Variants in TRPC7 observed in about 807,000 individuals in gnomAD.
The protein encoded by TRPC7 is transient receptor potential cation channel subfamily C member 7, also known as short transient receptor potential channel 7.
In TRPC7, 42 loss-of-function variants were observed where a neutral mutation model predicts 90.1. That is an observed-to-expected ratio of 0.47 (90% confidence interval 0.36 to 0.60). The LOEUF (loss-of-function observed/expected upper bound fraction) is 0.60. TRPC7 is among the 20% of genes least tolerant of loss of function. The pLI, the probability that TRPC7 is intolerant of heterozygous loss-of-function variation, is 0.00. For synonymous variants in TRPC7, 451 were observed against 436.3 expected (o/e 1.03, Z -0.42); for missense variants, 955 against 1,112.3 (o/e 0.86, Z 2.01).
Position 136,365,264 on chromosome 5 carries a change from A to G in TRPC7, c.-10T>C. On this transcript the variant is annotated 5_prime_UTR_variant, in exon 1 of 12. Coordinates refer to ENST00000513104, the MANE Select transcript of TRPC7 (RefSeq NM_020389.3). Reference sequence around the variant, plus strand: ...TCATAGCTGCTTACATTGAGGGTGTAATACGCAGGCTTGTTCCTCCTCTAG... The same window carrying G: ...TCATAGCTGCTTACATTGAGGGTGTGATACGCAGGCTTGTTCCTCCTCTAG... The G allele has an allele frequency of 1.3e-6, 2 of 1,537,186 alleles. No individual in the cohort carries two copies. The highest frequency in any genetic ancestry group is 2.4e-5 in the South Asian group (2 of 84,058).
At chr5:136,271,355 T>C (rs1436431034) in intron 4 of TRPC7, among the ~76,000 whole-genome samples, 1 of 152,234 alleles carries the variant, frequency 6.6e-6, no homozygotes, top group African/African-American at 2.4e-5. Context: ...TAATTAAAAC[T>C]GGTGCAGTTC....
chr5:136,213,450 C>T lies in TRPC7; in HGVS notation c.2574G>A (p.Lys858=). The change falls in exon 12 of 12, where the codon AAG becomes AAA. Residue 858 remains lysine, a synonymous_variant. Coordinates refer to ENST00000513104, the MANE Select transcript of TRPC7 (RefSeq NM_020389.3). ...ATGTGGGCTGCTAAATGTCTTTGCC[C>T]TTGTTCACCCTCAGGTGGTCTTTGT... The part of the protein sequence containing the change: ...NLNKDHLRVN[K]GKDI 6.2e-7 allele frequency: 1 copy of T among 1,613,970 alleles called. No individual in the cohort carries two copies.
At chr5:136,302,526 TC>T (rs1273251061) in intron 3 of TRPC7, among the ~76,000 whole-genome samples, 1 of 152,100 alleles carries the variant, frequency 6.6e-6, no homozygotes, top group Non-Finnish European at 1.5e-5. Flanking sequence ...CTCTATGCTC[TC>T]TTTTCTCTGG....
At chr5:136,275,382 TA>T (rs34461199) in intron 3 of TRPC7, among the ~76,000 whole-genome samples, 66,718 of 146,788 alleles carry the variant, frequency 0.45, 15,431 homozygotes, top group African/African-American at 0.61. Context: ...AATGACATTG[TA>T]AAAAAAAAAA....
intron 1 of TRPC7, among the ~76,000 whole-genome samples, chr5:136,361,593 G>A (rs916740611): frequency 6.6e-6 from 1 of 152,106 alleles, no homozygotes; most frequent in African/African-American, 2.4e-5. Context: ...AGAAGAAAAG[G>A]CCACTTAATC....
chr5:136,308,131 A>G (rs1758707676), intron 3 of TRPC7, among the ~76,000 whole-genome samples: 1 of 152,212 alleles, frequency 6.6e-6, no homozygotes, highest in Non-Finnish European at 1.5e-5. Context: ...AAGGGATCAC[A>G]ATCCATATTT....
chr5:136,345,384 C>T lies in TRPC7; in HGVS notation c.780+11224G>A, dbSNP rs185864909. ...CAGCCTGGCCAACATGGCGAAACCC[C>T]GTCTCTACTAAAAATACAAAAATAC... On this transcript the variant is annotated intron_variant, in intron 2 of 11. Transcript: ENST00000513104. Among the ~76,000 whole-genome samples, 584 of 152,076 alleles carry T rather than the reference C, an allele frequency of 3.8e-3. 6 individuals carry two copies. The highest frequency in any genetic ancestry group is 0.013 in the African/African-American group (559 of 41,480).
chr5:136,258,398 A>T (rs566750197), intron 5 of TRPC7, among the ~76,000 whole-genome samples: 1 of 152,294 alleles, frequency 6.6e-6, no homozygotes, highest in South Asian at 2.1e-4. Context: ...ATCCAAGCTG[A>T]GCCCCATGGC....
At chr5:136,249,285 G>A (rs573938033) in intron 6 of TRPC7, among the ~76,000 whole-genome samples, 2 of 152,284 alleles carry the variant, frequency 1.3e-5, no homozygotes, top group East Asian at 3.9e-4. Flanking sequence ...ATAATAGAGA[G>A]CAGTAAGAAA....
chr5:136,231,265 T>C, intron 8 of TRPC7, 89 bp downstream of exon 8: 1 of 1,172,386 alleles, frequency 8.5e-7, no homozygotes, highest in Middle Eastern at 2.0e-4. Context: ...TAACAACACA[T>C]GGGCTTCTAA....
chr5:136,292,583 G>A (rs1191852061), intron 3 of TRPC7, among the ~76,000 whole-genome samples: 1 of 152,144 alleles, frequency 6.6e-6, no homozygotes. Context: ...ACCCTCCCAA[G>A]ACTAAACCAG....
At chr5:136,348,967 C>G (rs1760099280) in intron 2 of TRPC7, among the ~76,000 whole-genome samples, 1 of 152,200 alleles carries the variant, frequency 6.6e-6, no homozygotes, top group Non-Finnish European at 1.5e-5. Flanking sequence ...CCTCAAAGAA[C>G]TGTTTCCATT....
At chr5:136,263,693 CA>C (rs1342588686) in intron 5 of TRPC7, among the ~76,000 whole-genome samples, 2 of 150,590 alleles carry the variant, frequency 1.3e-5, no homozygotes, top group Non-Finnish European at 3.0e-5. Flanking sequence ...ATTAAAATCA[CA>C]AAAACCACAG....
intron 3 of TRPC7, among the ~76,000 whole-genome samples, chr5:136,277,692 G>T (rs1344744093): frequency 6.6e-6 from 1 of 152,220 alleles, no homozygotes; most frequent in African/African-American, 2.4e-5. Context: ...GAGAGGAACT[G>T]ATGGAAGAAA....
chr5:136,298,866 GA>G (rs983471463), intron 3 of TRPC7, among the ~76,000 whole-genome samples: 2 of 152,054 alleles, frequency 1.3e-5, no homozygotes, highest in African/African-American at 4.8e-5. Context: ...AACAAAAAAT[GA>G]AAAAACCCTT....
At chr5:136,363,193 G>GA (rs923562912) in intron 1 of TRPC7, among the ~76,000 whole-genome samples, 2 of 152,154 alleles carry the variant, frequency 1.3e-5, no homozygotes, top group Non-Finnish European at 2.9e-5. Flanking sequence ...TGACTGAGCA[G>GA]AAAATTGAGA....
At chr5:136,223,363 C>T (rs1313076856) in intron 10 of TRPC7, among the ~76,000 whole-genome samples, 1 of 152,162 alleles carries the variant, frequency 6.6e-6, no homozygotes, top group African/African-American at 2.4e-5. Flanking sequence ...CCTGTAATCC[C>T]AGCACTTTGG....
rs376839341 is a variant in TRPC7 at position 136,356,737 on chromosome 5, C to T, written c.651G>A (p.Ser217=). Reference sequence around the variant, plus strand: ...CCAGTCCTTTGTAGGCGTTCATGCGCGAGCGCGAGTGGCTGAAGGAGTCTT... The same window carrying T: ...CCAGTCCTTTGTAGGCGTTCATGCGTGAGCGCGAGTGGCTGAAGGAGTCTT... ...QRKDSFSHSR[S]RMNAYKGLAS... is the part of the protein sequence containing the mutation. The change falls in exon 2 of 12, where the codon TCG becomes TCA. Residue 217 remains serine, a synonymous_variant. Transcript: ENST00000513104. 1.7e-5 allele frequency: 28 copies of T among 1,612,308 alleles called. No individual in the cohort carries two copies. The highest frequency in any genetic ancestry group is 2.2e-5 in the Non-Finnish European group (26 of 1,179,012).
At position 136,244,438 on chromosome 5, in the gene TRPC7, ATACTC is replaced by A. The variant is rs764564543; in HGVS notation, c.1844+3028_1844+3032del. Among the ~76,000 whole-genome samples, 19 of 152,352 alleles carry A rather than the reference ATACTC, an allele frequency of 1.2e-4. 2 individuals are homozygous for A. Among genetic ancestry groups the A allele is most frequent in the Admixed American group, 1.1e-3 (17 of 15,306 alleles). ...GGAGGGAAGAGAGGGATTGCAGAGAATACTCTGGGCAGTAGGAACAGGATAGAAGT... is the reference window on the plus strand; with the variant it reads ...GGAGGGAAGAGAGGGATTGCAGAGAATGGGCAGTAGGAACAGGATAGAAGT... On this transcript the variant is annotated intron_variant, in intron 7 of 11. Coordinates refer to ENST00000513104, the MANE Select transcript of TRPC7 (RefSeq NM_020389.3).
Sources: allele counts gnomAD v4.1 joint callset (sites outside exome capture counted in the v4.1 genomes callset), GRCh38; gene constraint gnomAD v4.1.1; transcripts MANE v1.5; gene names NCBI Gene and HGNC (gene_info 2026-07-23, HGNC 2026-07-21).